The following LMTK2 variants were observed in gnomAD, a reference collection of about 807,000 sequenced individuals.
LMTK2 encodes serine/threonine-protein kinase LMTK2.
In LMTK2, 37 loss-of-function variants were observed where a neutral mutation model predicts 127.5. The ratio of observed to expected loss-of-function variants is 0.29; its 90% CI spans 0.22 to 0.38. The LOEUF (loss-of-function observed/expected upper bound fraction) is 0.38, where lower values mean the gene tolerates loss of function less well. Among genes scored for constraint, LMTK2 ranks in the 10% least tolerant of loss-of-function variants. The pLI is 1.00. For missense variants in LMTK2, 1,694 were observed against 1,920.3 expected, an observed-to-expected ratio of 0.88 and a Z score of 2.20; for synonymous variants, 819 against 810.1, an observed-to-expected ratio of 1.01 and a Z score of -0.19.
intron 1 of LMTK2, among the ~76,000 whole-genome samples, chr7:98,127,448 C>T (rs1394211932): frequency 6.6e-6 from 1 of 152,170 alleles, no homozygotes; most frequent in African/African-American, 2.4e-5. Context: ...TCTAAGTAGC[C>T]ACCATTGTTA....
rs549014444 is a variant in LMTK2, at chr7:98,208,275, G to A, written c.*2783G>A. On this transcript the variant is annotated 3_prime_UTR_variant, in exon 14 of 14. Transcript: ENST00000297293. ...ATTTTATATTTATAATCAACACGTG[G>A]GTTAACATGTTTTTTTGAAATCCAA... 17 of 152,170 alleles carry A rather than the reference G, an allele frequency of 1.1e-4. No individual in the cohort carries two copies. In the South Asian group the frequency reaches 3.5e-3, roughly 32 times the overall value. The allele number at this position is 152,170 out of a possible 1,614,324, so 9.4% of individuals were successfully genotyped here.
intron 7 of LMTK2, among the ~76,000 whole-genome samples, chr7:98,183,116 A>G (rs1173867183): frequency 6.6e-6 from 1 of 152,260 alleles, no homozygotes; most frequent in African/African-American, 2.4e-5. Context: ...CCCCAAATAT[A>G]TTCCTTTGAC....
At position 98,194,579 on chromosome 7, in the gene LMTK2, G is replaced by T; in HGVS notation, c.4107+7G>T. 6.3e-7 allele frequency: 1 copy of T among 1,594,126 alleles called. No homozygotes were observed. The highest frequency in any genetic ancestry group is 8.5e-7 in the Non-Finnish European group (1 of 1,174,946). On this transcript the variant is annotated splice_region_variant and intron_variant, in intron 11 of 13. Coordinates refer to ENST00000297293, the MANE Select transcript of LMTK2 (RefSeq NM_014916.4). This position sits in a 1 kb window ranked among gnomAD's most constrained non-coding sequence, Gnocchi z 5.4. ...AGTCTACCTGTTTGACCAGGTATCT[G>T]TTCCCTCTAAATCATTTTCTATACA...
At chr7:98,184,951 T>TA (rs1797410722) in intron 7 of LMTK2, 100 bp from the exon 8 acceptor site, 9 of 812,848 alleles carry the variant, frequency 1.1e-5, no homozygotes, top group Admixed American at 1.8e-5. Flanking sequence ...TCAATATACT[T>TA]ACTCGGATCC....
chr7:98,204,154 C>T lies in LMTK2; in HGVS notation c.4451C>T (p.Thr1484Ile). The change falls in exon 13 of 14, where the codon ACA becomes ATA. Residue 1484 changes from threonine to isoleucine, a missense_variant. Physicochemically the swap from Thr to Ile is moderately conservative, Grantham distance 89. Around this residue, in one of 8 missense-constraint regions of LMTK2, gnomAD observed 554 missense variants for 567.7 expected, o/e 0.98. Coordinates refer to ENST00000297293, the MANE Select transcript of LMTK2 (RefSeq NM_014916.4). ...GCCAACATTGCCAGCTTTTCCCTCA[C>T]ACACCTGACCGACTCGGACATCGAG... ...SPANIASFSL[T>I]HLTDSDIEQG... 2 of 1,609,644 alleles carry T rather than the reference C, an allele frequency of 1.2e-6. No homozygotes were observed. The highest frequency in any genetic ancestry group is 8.5e-7 in the Non-Finnish European group (1 of 1,179,986).
Position 98,193,628 on chromosome 7 carries a change from G to C in LMTK2, c.3163G>C (p.Glu1055Gln), listed in dbSNP as rs753893449. ...HPAPEGTADSEPATTGDGGHS... is the reference protein window; with the variant it reads ...HPAPEGTADSQPATTGDGGHS... Reference sequence around the variant, plus strand: ...CGCTCCCGAGGGCACCGCAGACTCAGAACCAGCCACCACGGGCGATGGCGG... The same window carrying C: ...CGCTCCCGAGGGCACCGCAGACTCACAACCAGCCACCACGGGCGATGGCGG... The change falls in exon 11 of 14, where the codon GAA becomes CAA. Residue 1055 changes from glutamate (E) to glutamine (Q), a missense_variant. Coordinates refer to ENST00000297293, the MANE Select transcript of LMTK2 (RefSeq NM_014916.4). The surrounding 1 kb of genome is among the most constrained non-coding windows in gnomAD (Gnocchi z 4.1). The C allele has an allele frequency of 6.2e-7, 1 of 1,614,020 alleles. No homozygotes were observed. Among genetic ancestry groups the C allele is most frequent in the South Asian group, 1.1e-5 (1 of 91,074 alleles).
In LMTK2 at chr7:98,171,460, A is replaced by T. The variant is rs1797189293; in HGVS notation, c.658-81A>T. ...TTTCTAATAAATAATCTTAACAGTTAGTGTTCACCGAGGCACGTATTTAAG... is the reference window on the plus strand; with the variant it reads ...TTTCTAATAAATAATCTTAACAGTTTGTGTTCACCGAGGCACGTATTTAAG... On this transcript the variant is annotated intron_variant, in intron 6 of 13. Coordinates refer to ENST00000297293, the MANE Select transcript of LMTK2 (RefSeq NM_014916.4). This position sits in a 1 kb window ranked among gnomAD's most constrained non-coding sequence, Gnocchi z 5.1. 1 of 1,542,302 alleles carries T rather than the reference A, an allele frequency of 6.5e-7. No homozygotes were observed. Among genetic ancestry groups the T allele is most frequent in the Non-Finnish European group, 9.0e-7 (1 of 1,115,394 alleles).
At chr7:98,198,332 A>G (rs1357144917) in intron 11 of LMTK2, among the ~76,000 whole-genome samples, 3 of 151,672 alleles carry the variant, frequency 2.0e-5, no homozygotes, top group African/African-American at 7.3e-5. Flanking sequence ...CTGGGATTAC[A>G]GGCGTGTGCC....
At chr7:98,156,621 CGTTAA>C (rs1160677161) in intron 5 of LMTK2, among the ~76,000 whole-genome samples, 2 of 152,034 alleles carry the variant, frequency 1.3e-5, no homozygotes, top group Non-Finnish European at 2.9e-5. Context: ...ACAAAACATA[CGTTAA>C]GTTATATATT....
In LMTK2 at chr7:98,192,552, G is replaced by T; in HGVS notation, c.2087G>T (p.Ser696Ile). 3 of 1,612,892 alleles carry T rather than the reference G, an allele frequency of 1.9e-6. No homozygotes were observed. The highest frequency in any genetic ancestry group is 2.5e-6 in the Non-Finnish European group (3 of 1,179,760). The change falls in exon 11 of 14, where the codon AGT becomes ATT. Residue 696 changes from serine to isoleucine, a missense_variant. By Grantham distance (142) the Ser-to-Ile change is moderately radical (BLOSUM62 -2). Coordinates refer to ENST00000297293, the MANE Select transcript of LMTK2 (RefSeq NM_014916.4). ...EKEKPRKIFDSEPLCLSDNLM... is the reference protein window; with the variant it reads ...EKEKPRKIFDIEPLCLSDNLM... ...GAAAAGCCCCGTAAGATTTTTGACAGTGAGCCTCTCTGCCTATCAGATAAT... is the reference window on the plus strand; with the variant it reads ...GAAAAGCCCCGTAAGATTTTTGACATTGAGCCTCTCTGCCTATCAGATAAT...
intron 1 of LMTK2, among the ~76,000 whole-genome samples, chr7:98,122,057 C>T (rs146525832): frequency 1.6e-3 from 241 of 152,248 alleles, no homozygotes; most frequent in African/African-American, 5.5e-3. Context: ...TATGAGATGA[C>T]ATTATACCAT....
intron 1 of LMTK2, among the ~76,000 whole-genome samples, chr7:98,123,433 C>A (rs139077085): frequency 2.6e-4 from 39 of 152,158 alleles, no homozygotes; most frequent in African/African-American, 8.2e-4. Context: ...GCCTTGTCAG[C>A]AGCTTAAATC....
At position 98,129,541 on chromosome 7, in the gene LMTK2, C is replaced by T. The variant is rs115550035; in HGVS notation, c.104-7774C>T. On this transcript the variant is annotated intron_variant, in intron 1 of 13. Transcript: ENST00000297293. ...CACCGTACCTGGCTGATTTTTCACA[C>T]TTTTTGTAGAGATGATGTCTCACTA... Among the ~76,000 whole-genome samples, 1,316 of 151,884 alleles carry T rather than the reference C, an allele frequency of 8.7e-3. 21 individuals are homozygous for T. The highest frequency in any genetic ancestry group is 0.03 in the African/African-American group (1,228 of 41,404).
At chr7:98,150,724 A>G (rs1331553803) in intron 3 of LMTK2, among the ~76,000 whole-genome samples, 2 of 152,262 alleles carry the variant, frequency 1.3e-5, no homozygotes, top group African/African-American at 4.8e-5. Context: ...ATTGAATTTT[A>G]AAATAATTTA....
intron 7 of LMTK2, among the ~76,000 whole-genome samples, chr7:98,181,056 T>C (rs1430617261): frequency 1.3e-5 from 2 of 152,016 alleles, no homozygotes; most frequent in African/African-American, 4.8e-5. Context: ...GATAAAAGTG[T>C]GGAATGGGAG....
At chr7:98,202,243 G>T (rs1348783752) in intron 11 of LMTK2, among the ~76,000 whole-genome samples, 1 of 152,136 alleles carries the variant, frequency 6.6e-6, no homozygotes, top group African/African-American at 2.4e-5. Flanking sequence ...CTAGATTTTG[G>T]TTATTATACT....
intron 3 of LMTK2, among the ~76,000 whole-genome samples, chr7:98,148,001 G>C (rs1032899420): frequency 1.3e-5 from 2 of 152,050 alleles, no homozygotes; most frequent in Non-Finnish European, 2.9e-5. Context: ...TTCGAGACCA[G>C]CCTGGCCAAC....
At chr7:98,195,390 A>G (rs1797610501) in intron 11 of LMTK2, among the ~76,000 whole-genome samples, 1 of 151,846 alleles carries the variant, frequency 6.6e-6, no homozygotes, top group African/African-American at 2.4e-5. Flanking sequence ...CCTGCTTTGG[A>G]GCAGGCAGCT....
intron 9 of LMTK2, among the ~76,000 whole-genome samples, chr7:98,189,740 CAG>C (rs1259011540): frequency 3.1e-4 from 47 of 152,158 alleles, no homozygotes; most frequent in Admixed American, 3.1e-3. Flanking sequence ...TCCATGGGGA[CAG>C]AGCACCGCAG....
Sources: gnomAD v4.1 joint callset for allele counts (sites outside exome capture counted in the v4.1 genomes callset) on GRCh38, gnomAD v4.1.1 for gene constraint, gnomAD v4.1.1 regional missense constraint, Gnocchi (gnomAD v3.1) non-coding constraint, MANE v1.5 for transcripts, NCBI Gene and HGNC (gene_info 2026-07-23, HGNC 2026-07-21) for gene names.